LHX6: variants seen among roughly 807,000 people sequenced by gnomAD.
The protein encoded by LHX6 is LIM/homeobox protein Lhx6.
LHX6 carries 15 observed loss-of-function variants against 47.1 expected under a neutral mutation model. The observed-to-expected ratio is 0.32, with a 90% CI of 0.21 to 0.49. The LOEUF (loss-of-function observed/expected upper bound fraction) is 0.49, where lower values mean the gene tolerates loss of function less well. LHX6 is among the 20% of genes least tolerant of loss of function. The pLI, the probability that LHX6 is intolerant of heterozygous loss-of-function variation, is 0.99. For synonymous variants in LHX6, 242 were observed against 233.5 expected, an observed-to-expected ratio of 1.04 and a Z score of -0.33; for missense variants, 404 against 539.6, an observed-to-expected ratio of 0.75 and a Z score of 2.49.
chr9:122,227,761 A>G, intron 1 of LHX6: 1 of 489,488 alleles, frequency 2.0e-6, no homozygotes, highest in East Asian at 4.1e-5. Context: ...CAAGCCTCTG[A>G]GGGGGGAAGA....
rs984874545 is a variant in LHX6, at chr9:122,204,452, T to C, written c.*308A>G. On this transcript the variant is annotated 3_prime_UTR_variant, in exon 10 of 10. Coordinates refer to ENST00000394319, the MANE Select transcript of LHX6 (RefSeq NM_014368.5). ...CACAATTCAATTCCGCCTTTTGTTA[T>C]TGTAATCAGCTGAAGTTGAAGAGGA... 2 of 397,696 alleles carry C rather than the reference T, an allele frequency of 5.0e-6. No homozygotes were observed. Among genetic ancestry groups the C allele is most frequent in the African/African-American group, 4.1e-5 (2 of 48,600 alleles). 24.6% of individuals were successfully genotyped at this position (397,696 alleles called of 1,614,324 possible).
rs1457119534 is a variant in LHX6 at position 122,228,888 on chromosome 9, C to T, written c.-148G>A. The T allele has an allele frequency of 2.5e-5, 9 of 361,936 alleles. No individual in the cohort carries two copies. The highest frequency in any genetic ancestry group is 3.9e-5 in the Non-Finnish European group (9 of 232,646). The allele number at this position is 361,936 out of a possible 1,614,324, so 22.4% of individuals were successfully genotyped here. On this transcript the variant is annotated 5_prime_UTR_variant, in exon 1 of 10. Coordinates refer to ENST00000394319, the MANE Select transcript of LHX6 (RefSeq NM_014368.5). ...CCGCCCCGGGCCCGGCCTCAGCCCC[C>T]GCCCCCGGCCCGCGCGCAGCCCCGG...
rs1448505978 is a variant in LHX6 at position 122,226,510 on chromosome 9, C to T, written c.340-13G>A. On this transcript the variant is annotated splice_polypyrimidine_tract_variant and intron_variant, in intron 3 of 9. Transcript: ENST00000394319. This position sits in a 1 kb window ranked among gnomAD's most constrained non-coding sequence, Gnocchi z 6.5. ...TGAGGTTGTTGACCTGGGGACGGGG[C>T]GGGGACGGAGGTCGGCTCAGCGCGG... The T allele has an allele frequency of 6.2e-7, 1 of 1,611,204 alleles. No homozygotes were observed.
At position 122,214,183 on chromosome 9, in the gene LHX6, C is replaced by T. The variant is rs1025911651; in HGVS notation, c.783+100G>A. 139 of 1,357,144 alleles carry T rather than the reference C, an allele frequency of 1.0e-4. No individual in the cohort carries two copies. Among genetic ancestry groups the T allele is most frequent in the Non-Finnish European group, 1.2e-4 (119 of 1,016,052 alleles). The allele number at this position is 1,357,144 out of a possible 1,614,324, so 84.1% of individuals were successfully genotyped here. ...CCAGGCAGCTGCGGCCCCGCCCCGC[C>T]ACCCGGGTCCGGCCCGAGGGGCGGA... is the stretch of plus-strand genomic sequence containing the variant. On this transcript the variant is annotated intron_variant, in intron 6 of 9. Coordinates refer to ENST00000394319, the MANE Select transcript of LHX6 (RefSeq NM_014368.5). The surrounding 1 kb of genome is among the most constrained non-coding windows in gnomAD (Gnocchi z 4.6).
At chr9:122,211,052 C>T (rs1830380983) in intron 8 of LHX6, among the ~76,000 whole-genome samples, 1 of 152,094 alleles carries the variant, frequency 6.6e-6, no homozygotes, top group Non-Finnish European at 1.5e-5. Flanking sequence ...ATTTCTATAC[C>T]ATATTCCAAC....
At chr9:122,211,482 A>T (rs1250417984) in intron 8 of LHX6, among the ~76,000 whole-genome samples, 1 of 152,210 alleles carries the variant, frequency 6.6e-6, no homozygotes, top group Non-Finnish European at 1.5e-5. Flanking sequence ...CAAACTCTAC[A>T]GAAAAACTCA....
In LHX6 at chr9:122,226,311, G is replaced by C; in HGVS notation, c.461+65C>G. ...GGAGGAGAGACCACACGCCGCAAAAGTGGCCTCCGAATGCGCCCGGGGCCT... is the reference window on the plus strand; with the variant it reads ...GGAGGAGAGACCACACGCCGCAAAACTGGCCTCCGAATGCGCCCGGGGCCT... On this transcript the variant is annotated intron_variant, in intron 4 of 9. Coordinates refer to ENST00000394319, the MANE Select transcript of LHX6 (RefSeq NM_014368.5). The surrounding 1 kb of genome is among the most constrained non-coding windows in gnomAD (Gnocchi z 6.5). 2 of 1,553,140 alleles carry C rather than the reference G, an allele frequency of 1.3e-6. No individual in the cohort carries two copies. Among genetic ancestry groups the C allele is most frequent in the Non-Finnish European group, 8.7e-7 (1 of 1,149,588 alleles).
intron 9 of LHX6, among the ~76,000 whole-genome samples, chr9:122,207,773 A>G (rs962734279): frequency 5.3e-5 from 8 of 152,160 alleles, no homozygotes; most frequent in Admixed American, 4.6e-4. Flanking sequence ...CAGAGGTACC[A>G]TCCTAAAGGA....
intron 4 of LHX6, among the ~76,000 whole-genome samples, chr9:122,219,056 C>T (rs1478220165): frequency 6.6e-6 from 1 of 152,224 alleles, no homozygotes; most frequent in African/African-American, 2.4e-5. Flanking sequence ...CACCCCTCCA[C>T]CCGGGGGAGC....
Position 122,226,516 on chromosome 9 carries a change from C to A in LHX6, c.340-19G>T. On this transcript the variant is annotated intron_variant, in intron 3 of 9. Transcript: ENST00000394319. This position sits in a 1 kb window ranked among gnomAD's most constrained non-coding sequence, Gnocchi z 6.5. ...TGTTGACCTGGGGACGGGGCGGGGACGGAGGTCGGCTCAGCGCGGGCCTCT... is the reference window on the plus strand; with the variant it reads ...TGTTGACCTGGGGACGGGGCGGGGAAGGAGGTCGGCTCAGCGCGGGCCTCT... 1 of 1,610,648 alleles carries A rather than the reference C, an allele frequency of 6.2e-7. No individual in the cohort carries two copies. Among genetic ancestry groups the A allele is most frequent in the Non-Finnish European group, 8.5e-7 (1 of 1,179,278 alleles).
Position 122,217,105 on chromosome 9 carries a change from G to A in LHX6, c.645C>T (p.Asp215=), listed in dbSNP as rs1830623541. ...EEKVLCRIHY[D]TMIENLKRAA... ...CCCTCTTGAGGTTCTCAATCATGGT[G>A]TCGTAGTGGATGCGGCAGAGCACCT... The change falls in exon 5 of 10, where the codon GAC becomes GAT. Residue 215 remains aspartate, a synonymous_variant. Transcript: ENST00000394319. This position sits in a 1 kb window ranked among gnomAD's most constrained non-coding sequence, Gnocchi z 4.9. 6.2e-6 allele frequency: 10 copies of A among 1,614,220 alleles called. No homozygotes were observed. Among genetic ancestry groups the A allele is most frequent in the Non-Finnish European group, 8.5e-6 (10 of 1,180,034 alleles).
At chr9:122,224,644 C>T (rs945543747) in intron 4 of LHX6, among the ~76,000 whole-genome samples, 2 of 151,688 alleles carry the variant, frequency 1.3e-5, no homozygotes, top group Non-Finnish European at 2.9e-5. Flanking sequence ...TCACCTCACC[C>T]TCTCACCTCC....
intron 4 of LHX6, among the ~76,000 whole-genome samples, chr9:122,220,821 A>T (rs1830820988): frequency 6.6e-6 from 1 of 152,170 alleles, no homozygotes; most frequent in African/African-American, 2.4e-5. Flanking sequence ...ATATCTGGGT[A>T]CTCGTGGTTA....
chr9:122,221,308 C>G, intron 4 of LHX6: 1 of 985,510 alleles, frequency 1.0e-6, no homozygotes, highest in Non-Finnish European at 1.2e-6. Flanking sequence ...TCCCCCAGCT[C>G]CCCTCTCGGC....
intron 4 of LHX6, among the ~76,000 whole-genome samples, chr9:122,218,679 G>A (rs1830691688): frequency 6.6e-6 from 1 of 152,050 alleles, no homozygotes; most frequent in Non-Finnish European, 1.5e-5. Flanking sequence ...CTCAGGATCT[G>A]GTCCAAAACC....
At chr9:122,216,381 G>A (rs1343379664) in intron 5 of LHX6, among the ~76,000 whole-genome samples, 1 of 152,168 alleles carries the variant, frequency 6.6e-6, no homozygotes, top group Admixed American at 6.5e-5. Context: ...GGGCAATCTG[G>A]GGAATCACAA....
chr9:122,226,714 T>G lies in LHX6; in HGVS notation c.339+134A>C. On this transcript the variant is annotated intron_variant, in intron 3 of 9. Transcript: ENST00000394319. This position sits in a 1 kb window ranked among gnomAD's most constrained non-coding sequence, Gnocchi z 6.5. ...GGGGGCTCAGGCAGACCCTAAGTCT[T>G]GCCCAAAGCTTCGCAGTCGGGCAGC... 1 of 1,259,678 alleles carries G rather than the reference T, an allele frequency of 7.9e-7. No homozygotes were observed. Among genetic ancestry groups the G allele is most frequent in the South Asian group, 1.5e-5 (1 of 65,524 alleles). 78.0% of individuals were successfully genotyped at this position (1,259,678 alleles called of 1,614,324 possible).
chr9:122,228,491 C>CG (rs1831204025), intron 1 of LHX6, 166 bp downstream of exon 1: 2 of 1,333,770 alleles, frequency 1.5e-6, no homozygotes, highest in Non-Finnish European at 1.9e-6. Context: ...CCGCGACCCC[C>CG]CCCCCCCGCT....
At position 122,214,040 on chromosome 9, in the gene LHX6, G is replaced by A. The variant is rs1379709829; in HGVS notation, c.813C>T (p.Asn271=). ...QVMQAQFAQD[N]NPDAQTLQKL... ...TCTGCAGCGTCTGAGCGTCGGGGTT[G>A]TTGTCCTGCGCGAACTGCGCCTGCA... is the stretch of plus-strand genomic sequence containing the variant. The change falls in exon 7 of 10, where the codon AAC becomes AAT. Residue 271 remains asparagine, a synonymous_variant. Transcript: ENST00000394319. The surrounding 1 kb of genome is among the most constrained non-coding windows in gnomAD (Gnocchi z 4.6). 3 of 1,602,252 alleles carry A rather than the reference G, an allele frequency of 1.9e-6. No homozygotes were observed. The highest frequency in any genetic ancestry group is 2.5e-6 in the Non-Finnish European group (3 of 1,179,540).
Sources: gnomAD v4.1 joint callset for allele counts (sites outside exome capture counted in the v4.1 genomes callset) on GRCh38, gnomAD v4.1.1 for gene constraint, Gnocchi (gnomAD v3.1) non-coding constraint, MANE v1.5 for transcripts, NCBI Gene and HGNC (gene_info 2026-07-23, HGNC 2026-07-21) for gene names.